Variants in PDE6B observed in about 807,000 individuals in gnomAD.
PDE6B encodes the protein phosphodiesterase 6B, also known as rod cGMP-specific 3',5'-cyclic phosphodiesterase subunit beta.
Under a neutral mutation model 109.0 loss-of-function variants are expected in PDE6B, and 106 were observed. The ratio of observed to expected loss-of-function variants is 0.97; its 90% confidence interval spans 0.83 to 1.14. PDE6B has a LOEUF of 1.14. Among genes scored for constraint, PDE6B ranks in the 50% most tolerant of loss-of-function variants. The probability of loss-of-function intolerance (pLI) is 0.00; values close to 1 mark genes in which losing one functional copy is unlikely to be tolerated. For synonymous variants in PDE6B, 490 were observed against 471.3 expected (o/e 1.04, Z -0.51); for missense variants, 1,193 against 1,155.6 (o/e 1.03, Z -0.47).
Position 625,817 on chromosome 4 carries a change from A to T in PDE6B, c.191A>T (p.Gln64Leu). 1 of 1,613,150 alleles carries T rather than the reference A, an allele frequency of 6.2e-7. No individual in the cohort carries two copies. Among genetic ancestry groups the T allele is most frequent in the Non-Finnish European group, 8.5e-7 (1 of 1,179,902 alleles). ...EESTALLELV[Q>L]DMQESINMER... ...AGCACGGCGCTGCTGGAGCTGGTGC[A>T]GGATATGCAGGAGAGCATCAACATG... The change falls in exon 1 of 22, where the codon CAG (glutamine) becomes CTG (leucine). Residue 64 changes from glutamine to leucine, a missense_variant. Transcript: ENST00000496514. The surrounding 1 kb of genome is among the most constrained non-coding windows in gnomAD (Gnocchi z 5.0).
rs540952432 is a variant in PDE6B, at chr4:667,050, G to A, written c.2352+436G>A. Among the ~76,000 whole-genome samples the A allele has an allele frequency of 3.2e-3, 493 of 152,346 alleles. 5 individuals carry two copies. Among genetic ancestry groups the A allele is most frequent in the African/African-American group, 0.011 (461 of 41,578 alleles). On this transcript the variant is annotated intron_variant, in intron 20 of 21. Transcript: ENST00000496514. ...TGCTGGTGCACCCGCCCACAGGGGC[G>A]TTTGGAACAGCAGAAGGAGCCACAT...
intron 12 of PDE6B, 149 bp from the exon 13 acceptor site, chr4:661,985 G>A (rs1014399738): frequency 1.5e-5 from 10 of 672,142 alleles, no homozygotes; most frequent in East Asian, 2.7e-5. Flanking sequence ...AGTGGGAAAC[G>A]CAGGGATGGG....
At chr4:660,941 T>C (rs938656356) in intron 12 of PDE6B, among the ~76,000 whole-genome samples, 1 of 4,162 alleles carries the variant, frequency 2.4e-4, no homozygotes, top group Admixed American at 3.2e-3. Flanking sequence ...GAAGAATAAA[T>C]GAATGGATGG....
In PDE6B at chr4:654,871, G is replaced by T; in HGVS notation, c.975G>T (p.Glu325Asp). ...TCGACTACGTCCTCCACGGCAAGGA[G>T]GAGATCAAGGTCATTCCGTAAGTGC... ...KVIDYVLHGKEEIKVIPTPSA... is the reference protein window; with the variant it reads ...KVIDYVLHGKDEIKVIPTPSA... Residue 325 changes from glutamate (E) to aspartate (D), a missense_variant, in exon 6 of 22, where the codon GAG becomes GAT. Glu to Asp is a conservative substitution (Grantham distance 45, BLOSUM62 2). Transcript: ENST00000496514. 6.4e-7 allele frequency: 1 copy of T among 1,554,324 alleles called. No homozygotes were observed. The highest frequency in any genetic ancestry group is 2.2e-5 in the East Asian group (1 of 44,624).
At position 636,473 on chromosome 4, in the gene PDE6B, C is replaced by T. The variant is rs1028542278; in HGVS notation, c.711+504C>T. The stretch of plus-strand genomic sequence containing the variant: ...GAGGACCTTAAGGAGTCAGGTGTGC[C>T]GAGGTGCGTGGGAAAACGCAGGGGG... On this transcript the variant is annotated intron_variant, in intron 3 of 21. Transcript: ENST00000496514. This position sits in a 1 kb window ranked among gnomAD's most constrained non-coding sequence, Gnocchi z 4.5. Among the ~76,000 whole-genome samples the T allele has an allele frequency of 1.6e-4, 25 of 151,956 alleles. No homozygotes were observed. Among genetic ancestry groups the T allele is most frequent in the Middle Eastern group, 3.4e-3 (1 of 294 alleles).
In PDE6B at chr4:663,477, GC is replaced by G. The variant is rs1277318035; in HGVS notation, c.1921-291del. Among the ~76,000 whole-genome samples, 6 of 152,212 alleles carry G rather than the reference GC, an allele frequency of 3.9e-5. No homozygotes were observed. On this transcript the variant is annotated intron_variant, in intron 15 of 21. Transcript: ENST00000496514. The surrounding 1 kb of genome is among the most constrained non-coding windows in gnomAD (Gnocchi z 4.0). ...CCCACCAGCGGGGGAATGAAGGGCA[GC>G]CGAGCCCTGAGCGGCCCCCAAGGAC...
rs186113953 is a variant in PDE6B, at chr4:648,084, A to G, written c.712-5768A>G. 2.1e-3 allele frequency among the ~76,000 whole-genome samples: 322 copies of G among 151,868 alleles called. 3 individuals are homozygous for G. The highest frequency in any genetic ancestry group is 3.7e-3 in the Non-Finnish European group (252 of 67,988). ...GAGCAAAACTCCATCTCGAAAAAAA[A>G]AAGAAAGAAAGAGCCAAGAGTCAGG... On this transcript the variant is annotated intron_variant, in intron 3 of 21. Transcript: ENST00000496514. This position sits in a 1 kb window ranked among gnomAD's most constrained non-coding sequence, Gnocchi z 4.5.
At chr4:628,865 T>C (rs1322615548) in intron 1 of PDE6B, among the ~76,000 whole-genome samples, 1 of 152,204 alleles carries the variant, frequency 6.6e-6, no homozygotes, top group African/African-American at 2.4e-5. Context: ...ACCCCACGAC[T>C]ACACATGTTG....
rs993808582 is a variant in PDE6B at position 653,911 on chromosome 4, C to G, written c.771C>G (p.Phe257Leu). The G allele has an allele frequency of 6.2e-7, 1 of 1,613,894 alleles. No homozygotes were observed. Among genetic ancestry groups the G allele is most frequent in the East Asian group, 2.2e-5 (1 of 44,872 alleles). The change falls in exon 4 of 22, where the codon TTC (phenylalanine) becomes TTG (leucine). Residue 257 changes from phenylalanine to leucine, a missense_variant. Coordinates refer to ENST00000496514, the MANE Select transcript of PDE6B (RefSeq NM_000283.4). ...FEELTDIERQFHKAFYTVRAY... is the reference protein window; with the variant it reads ...FEELTDIERQLHKAFYTVRAY... Reference sequence around the variant, plus strand: ...AGCTGACGGACATCGAGAGGCAGTTCCACAAGGCCTTCTACACGGTGCGGG... The same window carrying G: ...AGCTGACGGACATCGAGAGGCAGTTGCACAAGGCCTTCTACACGGTGCGGG...
intron 6 of PDE6B, chr4:655,393 A>G (rs1736097881): frequency 3.5e-6 from 1 of 285,902 alleles, no homozygotes; most frequent in South Asian, 3.7e-5. Flanking sequence ...CCATAAGCCT[A>G]TTGGGACCCC....
chr4:659,460 T>C (rs1736761299), intron 11 of PDE6B, among the ~76,000 whole-genome samples: 1 of 152,136 alleles, frequency 6.6e-6, no homozygotes, highest in South Asian at 2.1e-4. Context: ...TCTGTGTGCA[T>C]GTGTGTGCAC....
Position 662,430 on chromosome 4 carries a change from C to G in PDE6B, c.1723-79C>G. ...CGGAGGTCCAACCTCCAACCCGACG[C>G]CTAGGTCATCCCAACCCCTCACCAC... On this transcript the variant is annotated intron_variant, in intron 13 of 21. Transcript: ENST00000496514. This position sits in a 1 kb window ranked among gnomAD's most constrained non-coding sequence, Gnocchi z 4.3. The G allele has an allele frequency of 1.9e-6, 2 of 1,048,414 alleles. No individual in the cohort carries two copies. The highest frequency in any genetic ancestry group is 3.0e-6 in the Non-Finnish European group (2 of 669,988). 64.9% of individuals were successfully genotyped at this position (1,048,414 alleles called of 1,614,324 possible). A position where few individuals can be genotyped will look rare whatever the true frequency, so the allele number is the denominator to read the frequency against.
chr4:666,042 G>T lies in PDE6B; in HGVS notation c.2269-489G>T, dbSNP rs776560837. Among the ~76,000 whole-genome samples, 3 of 152,126 alleles carry T rather than the reference G, an allele frequency of 2.0e-5. No individual in the cohort carries two copies. Among genetic ancestry groups the T allele is most frequent in the Non-Finnish European group, 4.4e-5 (3 of 68,004 alleles). On this transcript the variant is annotated intron_variant, in intron 19 of 21. Coordinates refer to ENST00000496514, the MANE Select transcript of PDE6B (RefSeq NM_000283.4). The surrounding 1 kb of genome is among the most constrained non-coding windows in gnomAD (Gnocchi z 5.6). ...CGCCCGGCCTCTAGAGTCCTGCATG[G>T]TTCACCCTCCACCAGGACGCTGTGA... is the stretch of plus-strand genomic sequence containing the variant.
At chr4:650,844 A>C (rs542328398) in intron 3 of PDE6B, among the ~76,000 whole-genome samples, 348 of 152,304 alleles carry the variant, frequency 2.3e-3, no homozygotes, top group African/African-American at 7.6e-3. Context: ...CCGGCAGCGA[A>C]AATCCACCCG....
intron 6 of PDE6B, chr4:655,255 G>C: frequency 2.9e-6 from 1 of 344,780 alleles, no homozygotes; most frequent in Non-Finnish European, 5.5e-6. Context: ...CCCAGACAGT[G>C]GAGCCTCCAG....
At chr4:664,849 C>T (rs775833328) in intron 17 of PDE6B, 32 bp from the exon 18 acceptor site, 7 of 1,575,930 alleles carry the variant, frequency 4.4e-6, no homozygotes, top group South Asian at 2.2e-5. Flanking sequence ...AGGAGACGCC[C>T]ATCAGCACTC....
In PDE6B at chr4:625,998, G is replaced by GC. The variant is rs755325901; in HGVS notation, c.378dup (p.Asp127ArgfsTer39). ...ACAGCGTCCTGGAGGACTGCCTGGT[G>GC]CCCCCCGACTCCGAGATCGTCTTCC... On this transcript the variant is annotated frameshift_variant, in exon 1 of 22. Transcript: ENST00000496514. LOFTEE classifies it high-confidence loss of function. This position sits in a 1 kb window ranked among gnomAD's most constrained non-coding sequence, Gnocchi z 5.0. The GC allele has an allele frequency of 1.9e-6, 3 of 1,582,702 alleles. No individual in the cohort carries two copies. Among genetic ancestry groups the GC allele is most frequent in the East Asian group, 2.3e-5 (1 of 43,234 alleles).
chr4:656,470 G>A (rs1736257653), intron 8 of PDE6B, among the ~76,000 whole-genome samples, 178 bp downstream of exon 8: 2 of 152,106 alleles, frequency 1.3e-5, no homozygotes, highest in East Asian at 3.9e-4. Flanking sequence ...ACCTGGGGCT[G>A]TGACCACAGC....
At chr4:659,721 C>T (rs1376080352) in intron 11 of PDE6B, among the ~76,000 whole-genome samples, 2 of 149,568 alleles carry the variant, frequency 1.3e-5, no homozygotes, top group Non-Finnish European at 3.0e-5. Context: ...CCCGTGTGTG[C>T]ACCCATGTGT....
Sources: gnomAD v4.1 joint callset for allele counts (sites outside exome capture counted in the v4.1 genomes callset) on GRCh38, gnomAD v4.1.1 for gene constraint, Gnocchi (gnomAD v3.1) non-coding constraint, MANE v1.5 for transcripts, NCBI Gene and HGNC (gene_info 2026-07-23, HGNC 2026-07-21) for gene names.